The following SGCZ variants were observed in gnomAD, a reference collection of about 807,000 sequenced individuals.
SGCZ encodes the protein zeta-sarcoglycan.
SGCZ carries 40 observed loss-of-function variants against 41.3 expected under a neutral mutation model. The observed-to-expected ratio is 0.97, with a 90% CI of 0.75 to 1.26. SGCZ has a LOEUF of 1.26. Ranked by LOEUF, SGCZ falls within the 50% of genes most tolerant of loss-of-function variation. SGCZ has a pLI of 0.00. For missense variants in SGCZ, 552 were observed against 369.8 expected, an observed-to-expected ratio of 1.49 and a Z score of -4.04; for synonymous variants, 206 against 137.5, an observed-to-expected ratio of 1.50 and a Z score of -3.49.
chr8:15,207,741 G>C (rs1032267316), intron 1 of SGCZ, among the ~76,000 whole-genome samples: 1 of 152,114 alleles, frequency 6.6e-6, no homozygotes, highest in African/African-American at 2.4e-5. Flanking sequence ...AGAAAGAACA[G>C]TAAGATTTAA....
chr8:14,203,673 A>G (rs1805527992), intron 4 of SGCZ, among the ~76,000 whole-genome samples: 1 of 152,204 alleles, frequency 6.6e-6, no homozygotes, highest in Non-Finnish European at 1.5e-5. Context: ...ACCACAATCC[A>G]TTGCTAAATT....
At chr8:14,473,924 C>A (rs554682411) in intron 2 of SGCZ, among the ~76,000 whole-genome samples, 39 of 130,696 alleles carry the variant, frequency 3.0e-4, no homozygotes, top group African/African-American at 1.0e-3. Flanking sequence ...GGCGACAGAG[C>A]AAGACCCTGT....
At chr8:14,745,521 G>T (rs1370837305) in intron 1 of SGCZ, among the ~76,000 whole-genome samples, 1 of 152,088 alleles carries the variant, frequency 6.6e-6, no homozygotes, top group Admixed American at 6.6e-5. Flanking sequence ...GTTTGAGGCT[G>T]CAGTGATCTA....
chr8:15,058,470 A>C (rs914530870), intron 1 of SGCZ, among the ~76,000 whole-genome samples: 1 of 152,212 alleles, frequency 6.6e-6, no homozygotes, highest in Non-Finnish European at 1.5e-5. Flanking sequence ...CGTGAAGTGT[A>C]TATTTGTCTG....
intron 1 of SGCZ, among the ~76,000 whole-genome samples, chr8:15,203,751 G>C (rs868450866): frequency 6.6e-6 from 1 of 152,126 alleles, no homozygotes; most frequent in Admixed American, 6.5e-5. Flanking sequence ...ATTTAGCAGT[G>C]CTTCAAGATC....
At chr8:15,107,133 A>T (rs1018255289) in intron 1 of SGCZ, among the ~76,000 whole-genome samples, 2 of 152,052 alleles carry the variant, frequency 1.3e-5, no homozygotes, top group African/African-American at 4.8e-5. Context: ...CTTTATAGGG[A>T]TTCATAATTG....
chr8:14,568,586 A>T (rs544836964), intron 1 of SGCZ, among the ~76,000 whole-genome samples: 13 of 152,194 alleles, frequency 8.5e-5, no homozygotes, highest in African/African-American at 3.1e-4. Context: ...CTTTGCTTGC[A>T]ATTCTTTCAG....
At chr8:14,214,064 C>G (rs1805909419) in intron 4 of SGCZ, among the ~76,000 whole-genome samples, 1 of 152,060 alleles carries the variant, frequency 6.6e-6, no homozygotes, top group South Asian at 2.1e-4. Flanking sequence ...AGAAATCTAA[C>G]AAACGTTAAC....
intron 1 of SGCZ, among the ~76,000 whole-genome samples, chr8:15,109,396 C>T (rs1193940265): frequency 2.0e-5 from 3 of 152,062 alleles, no homozygotes; most frequent in Admixed American, 6.6e-5. Flanking sequence ...CAATTGAGTA[C>T]TTATTTCAAG....
chr8:14,862,300 G>T (rs1020091136), intron 1 of SGCZ, among the ~76,000 whole-genome samples: 2 of 151,794 alleles, frequency 1.3e-5, no homozygotes, highest in Non-Finnish European at 2.9e-5. Flanking sequence ...CTCCATTTGA[G>T]GGACCTGTAC....
chr8:15,142,548 T>C (rs932315290), intron 1 of SGCZ, among the ~76,000 whole-genome samples: 3 of 152,082 alleles, frequency 2.0e-5, no homozygotes, highest in African/African-American at 4.8e-5. Flanking sequence ...AGCACACTAC[T>C]AACCCTGGGC....
intron 1 of SGCZ, among the ~76,000 whole-genome samples, chr8:14,859,577 A>G (rs1803652567): frequency 6.6e-6 from 1 of 152,088 alleles, no homozygotes; most frequent in African/African-American, 2.4e-5. Flanking sequence ...CTTCTATTAC[A>G]ATAATGCCAA....
At chr8:14,469,544 C>A (rs1322101775) in intron 2 of SGCZ, among the ~76,000 whole-genome samples, 23 of 152,042 alleles carry the variant, frequency 1.5e-4, no homozygotes. Flanking sequence ...GCATACAACT[C>A]CTAAAATCCT....
chr8:14,600,059 A>G lies in SGCZ; in HGVS notation c.40-45133T>C, dbSNP rs565026089. ...AAGGAAGCAAAGCTATTCAAAAGTC[A>G]TCAATAATTAATTACAAAACCTCAT... On this transcript the variant is annotated intron_variant, in intron 1 of 7. Coordinates refer to ENST00000382080, the MANE Select transcript of SGCZ (RefSeq NM_139167.4). Among the ~76,000 whole-genome samples, 10 of 152,316 alleles carry G rather than the reference A, an allele frequency of 6.6e-5. No homozygotes were observed. In the South Asian group the frequency reaches 1.9e-3, roughly 28 times the overall value.
At chr8:14,378,612 G>T (rs1404989270) in intron 2 of SGCZ, among the ~76,000 whole-genome samples, 1 of 152,094 alleles carries the variant, frequency 6.6e-6, no homozygotes, top group South Asian at 2.1e-4. Context: ...ATCAAAAAGT[G>T]GGCGAAGGAC....
At chr8:14,761,015 GAAGAT>G (rs1799854030) in intron 1 of SGCZ, among the ~76,000 whole-genome samples, 1 of 152,088 alleles carries the variant, frequency 6.6e-6, no homozygotes, top group Non-Finnish European at 1.5e-5. Context: ...TGGGGATTTC[GAAGAT>G]AAGTTGCAAC....
At chr8:14,813,302 T>A (rs937531625) in intron 1 of SGCZ, among the ~76,000 whole-genome samples, 4 of 152,182 alleles carry the variant, frequency 2.6e-5, no homozygotes, top group Non-Finnish European at 4.4e-5. Flanking sequence ...CATTTTTTAA[T>A]ATAATCTCTA....
chr8:14,503,489 G>A (rs536604927), intron 2 of SGCZ, among the ~76,000 whole-genome samples: 1 of 152,190 alleles, frequency 6.6e-6, no homozygotes. Flanking sequence ...CAATAACGCG[G>A]CCAGTCTCAG....
At chr8:14,793,139 T>A (rs1417700493) in intron 1 of SGCZ, among the ~76,000 whole-genome samples, 2 of 152,214 alleles carry the variant, frequency 1.3e-5, no homozygotes, top group Non-Finnish European at 2.9e-5. Context: ...AAAACTCTAG[T>A]CTCTCTTTCC....
Sources: gnomAD v4.1 joint callset for allele counts (sites outside exome capture counted in the v4.1 genomes callset) on GRCh38, gnomAD v4.1.1 for gene constraint, MANE v1.5 for transcripts, NCBI Gene and HGNC (gene_info 2026-07-23, HGNC 2026-07-21) for gene names.